THNSL2: variants seen among roughly 807,000 people sequenced by gnomAD.
THNSL2 encodes threonine synthase like 2.
Under a neutral mutation model 40.0 loss-of-function variants are expected in THNSL2, and 34 were observed. That is an observed-to-expected ratio of 0.85 (90% confidence interval 0.65 to 1.13). THNSL2 has a LOEUF of 1.13. Among genes scored for constraint, THNSL2 ranks in the 50% most tolerant of loss-of-function variants. The probability of loss-of-function intolerance (pLI) is 0.00; values close to 1 mark genes in which losing one functional copy is unlikely to be tolerated. For missense variants in THNSL2, 537 were observed against 608.8 expected (o/e 0.88, Z 1.24); for synonymous variants, 241 against 247.5 (o/e 0.97, Z 0.25).
intron 1 of THNSL2, chr2:88,172,145 T>TA: frequency 6.6e-6 from 1 of 152,260 alleles, no homozygotes; most frequent in Non-Finnish European, 1.5e-5. Flanking sequence ...TCCCCATAGT[T>TA]ACTGTGGGGC....
chr2:88,174,682 G>A lies in THNSL2; in HGVS notation c.267G>A (p.Val89=), dbSNP rs1676714148. The change falls in exon 3 of 9, where the codon GTG becomes GTA. Residue 89 remains valine (V), a synonymous_variant. Transcript: ENST00000674334. ...TCAGCAGATTCCGTCACAGAGAAGT[G>A]GTCCATCTGTCCAGGTTGAGGAATG... ...RAFSRFRHRE[V]VHLSRLRNGL... The A allele has an allele frequency of 6.2e-7, 1 of 1,614,030 alleles. No homozygotes were observed. Among genetic ancestry groups the A allele is most frequent in the Admixed American group, 1.7e-5 (1 of 59,998 alleles).
intron 1 of THNSL2, chr2:88,172,057 T>C (rs1676433267): frequency 6.6e-6 from 1 of 152,280 alleles, no homozygotes. Context: ...GGCTTTGCCC[T>C]TAGAGGGCAG....
In THNSL2 at chr2:88,185,657, T is replaced by C. The variant is rs778612195; in HGVS notation, c.1229+178T>C. On this transcript the variant is annotated intron_variant, in intron 8 of 8. Transcript: ENST00000674334. ...CCCAGAAGAGGGAGCGTGACAGATATCCCAGGGACAGCCATGGTCAGAGGT... is the reference window on the plus strand; with the variant it reads ...CCCAGAAGAGGGAGCGTGACAGATACCCCAGGGACAGCCATGGTCAGAGGT... 4 of 1,551,466 alleles carry C rather than the reference T, an allele frequency of 2.6e-6. No homozygotes were observed. The South Asian group carries it at 4.8e-5, about 18-fold the overall frequency.
At chr2:88,176,426 C>T (rs1242530832) in intron 4 of THNSL2, 1 of 152,196 alleles carries the variant, frequency 6.6e-6, no homozygotes, top group African/African-American at 2.4e-5. Flanking sequence ...CACTGGACCC[C>T]AGGTAGCTGC....
chr2:88,182,967 G>A lies in THNSL2; in HGVS notation c.971G>A (p.Arg324Lys). 1 of 1,614,138 alleles carries A rather than the reference G, an allele frequency of 6.2e-7. No homozygotes were observed. Among genetic ancestry groups the A allele is most frequent in the Non-Finnish European group, 8.5e-7 (1 of 1,180,030 alleles). Residue 324 changes from arginine to lysine, a missense_variant, in exon 7 of 9, where the codon AGG becomes AAG. By Grantham distance (26) the Arg-to-Lys change is conservative (BLOSUM62 2). Coordinates refer to ENST00000674334, the MANE Select transcript of THNSL2 (RefSeq NM_018271.5). The part of the protein sequence containing the change: ...MDIQVPYNME[R>K]VFWLLSGSDS... ...GCTCAGGTGCCCTACAACATGGAGA[G>A]GGTGTTCTGGCTGCTCTCTGGCTCT...
intron 1 of THNSL2, chr2:88,171,485 C>G (rs1189198944): frequency 8.1e-6 from 3 of 370,602 alleles, no homozygotes; most frequent in African/African-American, 4.2e-5. Flanking sequence ...ACCTTACTGC[C>G]TTGCTCGCTC....
chr2:88,178,683 G>A (rs1677196433), intron 4 of THNSL2, 100 bp from the exon 5 acceptor site: 1 of 1,269,414 alleles, frequency 7.9e-7, no homozygotes, highest in South Asian at 1.3e-5. Flanking sequence ...GGTCCCAGGA[G>A]GGTGGGCTCA....
intron 8 of THNSL2, 198 bp from the exon 9 acceptor site, chr2:88,185,700 C>T (rs1328458937): frequency 1.3e-6 from 2 of 1,551,288 alleles, no homozygotes; most frequent in African/African-American, 2.7e-5. Flanking sequence ...GAGCTGGCCT[C>T]CAACCAGGAG....
chr2:88,181,918 A>G (rs1354280544), intron 5 of THNSL2, among the ~76,000 whole-genome samples: 1 of 152,148 alleles, frequency 6.6e-6, no homozygotes, highest in Non-Finnish European at 1.5e-5. Context: ...CCGTAGCGTG[A>G]TGTTTTCAAG....
intron 8 of THNSL2, 181 bp downstream of exon 8, chr2:88,185,660 C>T: frequency 6.4e-7 from 1 of 1,551,564 alleles, no homozygotes. Flanking sequence ...ACAGATATCC[C>T]AGGGACAGCC....
At chr2:88,176,942 G>GT (rs1272660863) in intron 4 of THNSL2, 2 of 152,164 alleles carry the variant, frequency 1.3e-5, no homozygotes, top group Non-Finnish European at 2.9e-5. Context: ...ATCTAGGACT[G>GT]TTTTTTCCTA....
intron 1 of THNSL2, chr2:88,171,834 C>G (rs1303379401): frequency 6.5e-6 from 1 of 152,690 alleles, no homozygotes; most frequent in African/African-American, 2.4e-5. Flanking sequence ...ATTGTCCCAG[C>G]ATAATCACTT....
chr2:88,177,557 G>A (rs997324362), intron 4 of THNSL2, among the ~76,000 whole-genome samples: 5 of 152,138 alleles, frequency 3.3e-5, no homozygotes, highest in East Asian at 1.9e-4. Flanking sequence ...TCCAGCTTCC[G>A]TAACTGGAAG....
chr2:88,186,121 T>C lies in THNSL2; in HGVS notation c.1453T>C (p.Ter485GlnextTer31). 6.4e-7 allele frequency: 1 copy of C among 1,553,324 alleles called. No homozygotes were observed. Among genetic ancestry groups the C allele is most frequent in the Non-Finnish European group, 8.7e-7 (1 of 1,147,704 alleles). Residue 485 changes from the stop codon to glutamine, a stop_lost, in exon 9 of 9, where the codon TAG (stop) becomes CAG (glutamine). Coordinates refer to ENST00000674334, the MANE Select transcript of THNSL2 (RefSeq NM_018271.5). ...WRSHALNTSQ[*>Q] ...GAGTCATGCCCTCAACACCTCCCAGTAGCCTGGCTGGAGGTGGCTTTCTTT... is the reference window on the plus strand; with the variant it reads ...GAGTCATGCCCTCAACACCTCCCAGCAGCCTGGCTGGAGGTGGCTTTCTTT...
chr2:88,171,197 T>C (rs556568904), intron 1 of THNSL2: 119 of 442,534 alleles, frequency 2.7e-4, no homozygotes, highest in South Asian at 1.8e-3. Context: ...CTGGCTTACA[T>C]TGAACCCAAC....
intron 2 of THNSL2, 84 bp downstream of exon 2, chr2:88,173,457 G>GAGACTTCCTAGTGGTTT: frequency 1.9e-6 from 2 of 1,031,152 alleles, no homozygotes; most frequent in Non-Finnish European, 2.6e-6. Context: ...CAAACCACTA[G>GAGACTTCCTAGTGGTTT]GAAGTCTCTA....
intron 1 of THNSL2, among the ~76,000 whole-genome samples, chr2:88,170,664 G>A (rs1030159553): frequency 3.9e-5 from 6 of 152,194 alleles, no homozygotes; most frequent in Admixed American, 3.3e-4. Context: ...CGTTTTCTGC[G>A]GGATTTGAGC....
rs900237906 is a variant in THNSL2, at chr2:88,186,394, G to A, written c.*271G>A. On this transcript the variant is annotated 3_prime_UTR_variant, in exon 9 of 9. Transcript: ENST00000674334. ...TCTGAGCTGTAGTGAAAGTTTCAGG[G>A]CCTGCAAAAGAAGAGGCTTGGGCAC... 1.5e-5 allele frequency: 7 copies of A among 481,798 alleles called. No homozygotes were observed. The highest frequency in any genetic ancestry group is 1.4e-4 in the African/African-American group (7 of 51,380). The allele number at this position is 481,798 out of a possible 1,614,324, so 29.8% of individuals were successfully genotyped here. A position where few individuals can be genotyped will look rare whatever the true frequency, so the allele number is the denominator to read the frequency against.
chr2:88,175,189 T>C, intron 3 of THNSL2, 60 bp from the exon 4 acceptor site: 1 of 1,559,494 alleles, frequency 6.4e-7, no homozygotes, highest in South Asian at 1.2e-5. Context: ...GGGGACCATT[T>C]CTTTCCTCGT....
Sources: allele counts gnomAD v4.1 joint callset (sites outside exome capture counted in the v4.1 genomes callset), GRCh38; gene constraint gnomAD v4.1.1; transcripts MANE v1.5; gene names NCBI Gene and HGNC (gene_info 2026-07-23, HGNC 2026-07-21).